The following SERPINB5 variants were observed in gnomAD, a reference collection of about 807,000 sequenced individuals.
The protein encoded by SERPINB5 is serpin family B member 5.
Under a neutral mutation model 32.2 loss-of-function variants are expected in SERPINB5, and 27 were observed. The observed-to-expected ratio is 0.84, with a 90% CI of 0.62 to 1.16. The LOEUF (loss-of-function observed/expected upper bound fraction) is 1.16, where lower values mean the gene tolerates loss of function less well. Among genes scored for constraint, SERPINB5 ranks in the 50% most tolerant of loss-of-function variants. The pLI, the probability that SERPINB5 is intolerant of heterozygous loss-of-function variation, is 0.00. For missense variants in SERPINB5, 388 were observed against 436.3 expected, an observed-to-expected ratio of 0.89 and a Z score of 0.99; for synonymous variants, 154 against 157.4, an observed-to-expected ratio of 0.98 and a Z score of 0.16.
At chr18:63,489,243 G>C (rs140563108) in intron 3 of SERPINB5, 104 bp from the exon 4 acceptor site, 39 of 594,340 alleles carry the variant, frequency 6.6e-5, no homozygotes, top group Non-Finnish European at 1.1e-4. Flanking sequence ...AATTTTGAAA[G>C]TGTACATATA....
At chr18:63,487,913 A>T (rs1189540702) in intron 3 of SERPINB5, among the ~76,000 whole-genome samples, 2 of 152,180 alleles carry the variant, frequency 1.3e-5, no homozygotes, top group African/African-American at 4.8e-5. Flanking sequence ...TTTTGTGGTT[A>T]AGATCTTTTG....
At position 63,492,978 on chromosome 18, in the gene SERPINB5, C is replaced by T. The variant is rs200888395; in HGVS notation, c.450C>T (p.Asp150=). Residue 150 remains aspartate, a synonymous_variant, in exon 5 of 7, where the codon GAC becomes GAT. Coordinates refer to ENST00000382771, the MANE Select transcript of SERPINB5 (RefSeq NM_002639.5). ...GCCACTTTGAGAACATTTTAGCTGA[C>T]AACAGTGTGAACGACCAGACCAAAA... ...TDGHFENILA[D]NSVNDQTKIL... The T allele has an allele frequency of 6.2e-7, 1 of 1,613,674 alleles. No homozygotes were observed. Among genetic ancestry groups the T allele is most frequent in the South Asian group, 1.1e-5 (1 of 90,970 alleles).
intron 6 of SERPINB5, among the ~76,000 whole-genome samples, chr18:63,500,251 G>T (rs1392025046): frequency 6.9e-6 from 1 of 144,484 alleles, no homozygotes; most frequent in East Asian, 2.0e-4. Context: ...TTTTGTAAAG[G>T]TGGGATCTCA....
chr18:63,494,314 T>G (rs1191775641), intron 5 of SERPINB5, among the ~76,000 whole-genome samples: 2 of 91,222 alleles, frequency 2.2e-5, no homozygotes, highest in Non-Finnish European at 3.9e-5. Context: ...AAAGTGAGAC[T>G]CCATCTCAAA....
chr18:63,499,161 G>A lies in SERPINB5; in HGVS notation c.609G>A (p.Thr203=), dbSNP rs769981997. The A allele has an allele frequency of 6.9e-6, 11 of 1,588,944 alleles. No homozygotes were observed. The South Asian group carries it at 8.0e-5, about 12-fold the overall frequency. Residue 203 remains threonine, a synonymous_variant, in exon 6 of 7, where the codon ACG becomes ACA. Coordinates refer to ENST00000382771, the MANE Select transcript of SERPINB5 (RefSeq NM_002639.5). ...TGCAGATGATGAACATGGAGGCCAC[G>A]TTCTGTATGGGAAACATTGACAGTA... The part of the protein sequence containing the change: ...KPVQMMNMEA[T]FCMGNIDSIN...
intron 6 of SERPINB5, among the ~76,000 whole-genome samples, chr18:63,500,971 G>A (rs376204166): frequency 2.0e-5 from 3 of 149,680 alleles, no homozygotes; most frequent in South Asian, 4.3e-4. Flanking sequence ...TTTACCTTTC[G>A]TTCTTAAAAC....
chr18:63,491,404 CAAAAAA>C (rs1555670766), intron 4 of SERPINB5, among the ~76,000 whole-genome samples: 20 of 81,444 alleles, frequency 2.5e-4, no homozygotes, highest in South Asian at 4.7e-4. Flanking sequence ...CTGCGTCTCC[CAAAAAA>C]AAAAAAAAAA....
At position 63,482,210 on chromosome 18, in the gene SERPINB5, T is replaced by C. The variant is rs116240856; in HGVS notation, c.-7-2212T>C. On this transcript the variant is annotated intron_variant, in intron 1 of 6. Transcript: ENST00000382771. ...TAAAGACCAGGAGTCCTCTCCTCCA[T>C]CTTATTCTCGTCTTTGCATTCTGAA... Among the ~76,000 whole-genome samples the C allele has an allele frequency of 9.7e-3, 1,484 of 152,298 alleles. 22 individuals carry two copies. Among genetic ancestry groups the C allele is most frequent in the African/African-American group, 0.034 (1,407 of 41,556 alleles).
chr18:63,487,118 T>C (rs2271253), intron 3 of SERPINB5, 35 bp downstream of exon 3: 80,628 of 1,600,770 alleles, frequency 0.05, 6,201 homozygotes, highest in African/African-American at 0.3. Context: ...AGACTTAACT[T>C]TTTACAAGGA....
intron 5 of SERPINB5, among the ~76,000 whole-genome samples, chr18:63,495,640 C>A (rs1238681134): frequency 6.6e-6 from 1 of 152,180 alleles, no homozygotes; most frequent in African/African-American, 2.4e-5. Context: ...GTACTTTTTT[C>A]ATTAAGAAAG....
Position 63,499,047 on chromosome 18 carries a change from G to GTATA in SERPINB5, c.568-55_568-52dup, listed in dbSNP as rs55944702. The GTATA allele has an allele frequency of 8.8e-3, 4,362 of 495,794 alleles. 4 individuals carry two copies. The highest frequency in any genetic ancestry group is 0.014 in the African/African-American group (682 of 50,266). The allele number at this position is 495,794 out of a possible 1,614,324, so 30.7% of individuals were successfully genotyped here. A position where few individuals can be genotyped will look rare whatever the true frequency, so the allele number is the denominator to read the frequency against. On this transcript the variant is annotated intron_variant, in intron 5 of 6. Coordinates refer to ENST00000382771, the MANE Select transcript of SERPINB5 (RefSeq NM_002639.5). ...TGTGTGTGTGTGTGCGCGCGTGTGT[G>GTATA]TATATATATATATATATATATTTAT... is the stretch of plus-strand genomic sequence containing the variant.
At position 63,498,084 on chromosome 18, in the gene SERPINB5, T is replaced by C. The variant is rs1387540439; in HGVS notation, c.568-1036T>C. 1.3e-5 allele frequency among the ~76,000 whole-genome samples: 2 copies of C among 152,156 alleles called. No individual in the cohort carries two copies. Among genetic ancestry groups the C allele is most frequent in the African/African-American group, 4.8e-5 (2 of 41,436 alleles). ...CTGCTATGTGCTAAGTTTGTTGTTG[T>C]TATTGTTCTGTTTTGTTTTGAGATG... On this transcript the variant is annotated intron_variant, in intron 5 of 6. Coordinates refer to ENST00000382771, the MANE Select transcript of SERPINB5 (RefSeq NM_002639.5). This position sits in a 1 kb window ranked among gnomAD's most constrained non-coding sequence, Gnocchi z 4.2.
intron 5 of SERPINB5, chr18:63,493,330 A>G (rs1374715273): frequency 1.7e-6 from 1 of 593,966 alleles, no homozygotes; most frequent in Non-Finnish European, 3.0e-6. Flanking sequence ...GAAACTTTAT[A>G]GAATTTGTAA....
chr18:63,492,462 T>C (rs193194700), intron 4 of SERPINB5, among the ~76,000 whole-genome samples: 1 of 152,324 alleles, frequency 6.6e-6, no homozygotes, highest in East Asian at 1.9e-4. Flanking sequence ...AGATAATATA[T>C]GTGAAATTCT....
chr18:63,499,871 G>A (rs1254246713), intron 6 of SERPINB5, among the ~76,000 whole-genome samples: 1 of 151,790 alleles, frequency 6.6e-6, no homozygotes, highest in East Asian at 1.9e-4. Context: ...AGAAAAATAA[G>A]CAGAAAGTAC....
intron 5 of SERPINB5, among the ~76,000 whole-genome samples, chr18:63,495,563 C>A (rs775903844): frequency 2.6e-5 from 4 of 152,236 alleles, no homozygotes; most frequent in Non-Finnish European, 5.9e-5. Context: ...CTGGAAGGAA[C>A]ACCATGAAAA....
chr18:63,484,739 A>AAATTTTTTTTTTT, intron 2 of SERPINB5, 143 bp downstream of exon 2: 1 of 144,458 alleles, frequency 6.9e-6, no homozygotes, highest in Non-Finnish European at 1.3e-5. Flanking sequence ...GACTCTCTTA[A>AAATTTTTTTTTTT]TCTTTTTTTT....
chr18:63,490,355 G>T (rs947101222), intron 4 of SERPINB5, among the ~76,000 whole-genome samples: 1 of 151,986 alleles, frequency 6.6e-6, no homozygotes, highest in Non-Finnish European at 1.5e-5. Flanking sequence ...CGGACTCCTC[G>T]TCCCTCCCTT....
chr18:63,499,128 C>G lies in SERPINB5; in HGVS notation c.576C>G (p.Thr192=). 1 of 1,526,848 alleles carries G rather than the reference C, an allele frequency of 6.5e-7. No individual in the cohort carries two copies. Among genetic ancestry groups the G allele is most frequent in the Non-Finnish European group, 8.8e-7 (1 of 1,132,932 alleles). 94.6% of individuals were successfully genotyped at this position (1,526,848 alleles called of 1,614,324 possible). A position where few individuals can be genotyped will look rare whatever the true frequency, so the allele number is the denominator to read the frequency against. ...ECPFRVNKTD[T]KPVQMMNMEA... is the part of the protein sequence containing the mutation. ...AATTTTCCCTTTTACAGACAGACACCAAACCAGTGCAGATGATGAACATGG... is the reference window on the plus strand; with the variant it reads ...AATTTTCCCTTTTACAGACAGACACGAAACCAGTGCAGATGATGAACATGG... The change falls in exon 6 of 7, where the codon ACC becomes ACG. Residue 192 remains threonine (T), a synonymous_variant. Coordinates refer to ENST00000382771, the MANE Select transcript of SERPINB5 (RefSeq NM_002639.5).
Sources: gnomAD v4.1 joint callset for allele counts (sites outside exome capture counted in the v4.1 genomes callset) on GRCh38, gnomAD v4.1.1 for gene constraint, Gnocchi (gnomAD v3.1) non-coding constraint, MANE v1.5 for transcripts, NCBI Gene and HGNC (gene_info 2026-07-23, HGNC 2026-07-21) for gene names.